Variants in ALK observed in about 807,000 individuals in gnomAD.
ALK encodes ALK tyrosine kinase receptor.
In ALK, 74 loss-of-function variants were observed where a neutral mutation model predicts 163.1. The ratio of observed to expected loss-of-function variants is 0.45; its 90% CI spans 0.38 to 0.55. The LOEUF (loss-of-function observed/expected upper bound fraction) is 0.55, where lower values mean the gene tolerates loss of function less well. Among genes scored for constraint, ALK ranks in the 20% least tolerant of loss-of-function variants. The pLI is 0.00. For synonymous variants in ALK, 960 were observed against 843.2 expected, an observed-to-expected ratio of 1.14 and a Z score of -2.40; for missense variants, 2,063 against 2,105.3, an observed-to-expected ratio of 0.98 and a Z score of 0.39.
chr2:29,198,873 C>G (rs1196977188), intron 26 of ALK, among the ~76,000 whole-genome samples: 1 of 151,950 alleles, frequency 6.6e-6, no homozygotes, highest in Non-Finnish European at 1.5e-5. Flanking sequence ...ATCTATCAAT[C>G]AATTTTCTTT....
chr2:29,269,642 A>G (rs1197095509), intron 11 of ALK, among the ~76,000 whole-genome samples: 1 of 152,198 alleles, frequency 6.6e-6, no homozygotes, highest in African/African-American at 2.4e-5. Context: ...CTTGCTATAA[A>G]TAGGTGATAA....
intron 6 of ALK, among the ~76,000 whole-genome samples, chr2:29,326,513 A>T (rs1667267119): frequency 6.6e-6 from 1 of 152,120 alleles, no homozygotes; most frequent in Non-Finnish European, 1.5e-5. Flanking sequence ...ATAGAGACAC[A>T]CACACAGGCC....
chr2:29,842,214 G>T (rs1235178836), intron 1 of ALK, among the ~76,000 whole-genome samples: 1 of 151,942 alleles, frequency 6.6e-6, no homozygotes, highest in East Asian at 1.9e-4. Flanking sequence ...TCCTAAAAAA[G>T]AAAAAATATA....
intron 1 of ALK, among the ~76,000 whole-genome samples, chr2:29,868,708 G>A (rs111463796): frequency 9.2e-5 from 14 of 152,238 alleles, no homozygotes; most frequent in Admixed American, 2.0e-4. Context: ...CTCCAAAGAC[G>A]GCTACAAAAA....
chr2:29,389,764 C>T (rs888086726), intron 4 of ALK, among the ~76,000 whole-genome samples: 2 of 152,178 alleles, frequency 1.3e-5, no homozygotes, highest in African/African-American at 4.8e-5. Flanking sequence ...GATAATGACG[C>T]CTTCCCTGTT....
rs116223567 is a variant in ALK, at chr2:29,805,421, T to A, written c.668-87724A>T. ...ATACATAAATGTGTGCCATGGTAGT[T>A]TGCTGCATGTATCAACCCATCACCT... On this transcript the variant is annotated intron_variant, in intron 1 of 28. Coordinates refer to ENST00000389048, the MANE Select transcript of ALK (RefSeq NM_004304.5). Among the ~76,000 whole-genome samples, 477 of 152,316 alleles carry A rather than the reference T, an allele frequency of 3.1e-3. 2 individuals are homozygous for A. The highest frequency in any genetic ancestry group is 0.011 in the African/African-American group (456 of 41,556).
At chr2:29,699,022 T>C (rs765488770) in intron 2 of ALK, among the ~76,000 whole-genome samples, 2 of 152,230 alleles carry the variant, frequency 1.3e-5, no homozygotes, top group Non-Finnish European at 2.9e-5. Flanking sequence ...TTAAGTCTTA[T>C]TTTCCTTGGG....
intron 5 of ALK, among the ~76,000 whole-genome samples, chr2:29,330,429 C>A (rs1024681370): frequency 2.0e-5 from 3 of 152,180 alleles, no homozygotes; most frequent in African/African-American, 7.2e-5. Context: ...TTCCATGCAA[C>A]CTGCCTCCAG....
chr2:29,375,866 G>T (rs959670742), intron 5 of ALK, among the ~76,000 whole-genome samples: 11 of 152,152 alleles, frequency 7.2e-5, no homozygotes, highest in African/African-American at 2.7e-4. Flanking sequence ...ACTGACAGAG[G>T]AGGAGCACTG....
chr2:29,744,223 G>A (rs910206024), intron 1 of ALK, among the ~76,000 whole-genome samples: 2 of 152,134 alleles, frequency 1.3e-5, no homozygotes, highest in Non-Finnish European at 2.9e-5. Flanking sequence ...TTTGCAGGAT[G>A]TTAGTGGAAG....
chr2:29,336,047 C>G (rs758668693), intron 5 of ALK, among the ~76,000 whole-genome samples: 1 of 152,010 alleles, frequency 6.6e-6, no homozygotes, highest in South Asian at 2.1e-4. Context: ...AAAAAACAAA[C>G]AAACAAACAA....
At chr2:29,706,275 C>T (rs1678909767) in intron 2 of ALK, among the ~76,000 whole-genome samples, 1 of 152,246 alleles carries the variant, frequency 6.6e-6, no homozygotes, top group African/African-American at 2.4e-5. Flanking sequence ...GGCCTGACTT[C>T]CAGCCCAGGC....
At chr2:29,224,358 A>G (rs1001396086) in intron 19 of ALK, among the ~76,000 whole-genome samples, 1 of 152,152 alleles carries the variant, frequency 6.6e-6, no homozygotes, top group African/African-American at 2.4e-5. Flanking sequence ...GTAGGCAGGG[A>G]TGGTAACTCC....
At chr2:29,761,575 T>C (rs1054660318) in intron 1 of ALK, among the ~76,000 whole-genome samples, 1 of 152,152 alleles carries the variant, frequency 6.6e-6, no homozygotes, top group African/African-American at 2.4e-5. Flanking sequence ...GCAAAATAGA[T>C]TGGAAATGTT....
chr2:29,666,821 T>A (rs1439032685), intron 3 of ALK, among the ~76,000 whole-genome samples: 7 of 152,060 alleles, frequency 4.6e-5, no homozygotes, highest in African/African-American at 1.2e-4. Flanking sequence ...TATATGTATA[T>A]ATTCTTCCCC....
intron 5 of ALK, among the ~76,000 whole-genome samples, chr2:29,350,507 C>T (rs1323811467): frequency 6.6e-6 from 1 of 152,148 alleles, no homozygotes; most frequent in Non-Finnish European, 1.5e-5. Context: ...GGGACAGAGA[C>T]AGCTGCCACT....
chr2:29,385,764 T>C (rs1669018274), intron 4 of ALK, among the ~76,000 whole-genome samples: 1 of 152,244 alleles, frequency 6.6e-6, no homozygotes, highest in South Asian at 2.1e-4. Context: ...GGTTGCACTT[T>C]CTCACTTGAT....
At chr2:29,680,554 G>T (rs890985460) in intron 3 of ALK, among the ~76,000 whole-genome samples, 1 of 151,960 alleles carries the variant, frequency 6.6e-6, no homozygotes, top group African/African-American at 2.4e-5. Flanking sequence ...TTTCTGTCCA[G>T]TCAAATTCTC....
At chr2:29,307,573 T>A (rs1360281360) in intron 8 of ALK, among the ~76,000 whole-genome samples, 4 of 152,222 alleles carry the variant, frequency 2.6e-5, no homozygotes. Flanking sequence ...TAATTCTCAG[T>A]GTGAACCGGT....
Sources: allele counts gnomAD v4.1 joint callset (sites outside exome capture counted in the v4.1 genomes callset), GRCh38; gene constraint gnomAD v4.1.1; transcripts MANE v1.5; gene names NCBI Gene and HGNC (gene_info 2026-07-23, HGNC 2026-07-21).